Variants in ROBO1 observed in about 807,000 individuals in gnomAD.
ROBO1 encodes the protein roundabout homolog 1.
ROBO1 carries 149 observed loss-of-function variants against 195.9 expected under a neutral mutation model. The ratio of observed to expected loss-of-function variants is 0.76; its 90% confidence interval spans 0.67 to 0.87. The LOEUF (loss-of-function observed/expected upper bound fraction) is 0.87, where lower values mean the gene tolerates loss of function less well. Ranked by LOEUF, ROBO1 falls within the 40% of genes least tolerant of loss-of-function variation. The pLI is 0.00. For synonymous variants in ROBO1, 816 were observed against 733.2 expected (o/e 1.11, Z -1.82); for missense variants, 1,933 against 2,068.3 (o/e 0.93, Z 1.27).
intron 2 of ROBO1, among the ~76,000 whole-genome samples, chr3:79,404,803 T>A (rs1252015296): frequency 2.0e-5 from 3 of 152,076 alleles, no homozygotes; most frequent in Non-Finnish European, 4.4e-5. Flanking sequence ...TATAATTAAA[T>A]TATTGGAATT....
At chr3:78,802,313 G>T (rs541989341) in intron 4 of ROBO1, among the ~76,000 whole-genome samples, 1 of 152,132 alleles carries the variant, frequency 6.6e-6, no homozygotes, top group East Asian at 1.9e-4. Flanking sequence ...ATTGATCCTT[G>T]GGAAACTAGT....
At position 78,856,834 on chromosome 3, in the gene ROBO1, C is replaced by T. The variant is rs546738904; in HGVS notation, c.499+81767G>A. On this transcript the variant is annotated intron_variant, in intron 4 of 30. Coordinates refer to ENST00000464233, the MANE Select transcript of ROBO1 (RefSeq NM_002941.4). ...TCTGCATTTTATTAAAATACATTTG[C>T]GCATTCTAGATAGCCAAAATATCCT... Among the ~76,000 whole-genome samples the T allele has an allele frequency of 6.1e-5, 9 of 148,724 alleles. No homozygotes were observed. In the South Asian group the frequency reaches 1.3e-3, roughly 21 times the overall value.
chr3:78,689,606 T>C (rs1005513221), intron 8 of ROBO1, among the ~76,000 whole-genome samples: 3 of 152,154 alleles, frequency 2.0e-5, no homozygotes, highest in African/African-American at 7.2e-5. Context: ...TTTTACCTAC[T>C]GTTTACACTT....
At chr3:79,478,630 C>T (rs77152798) in intron 2 of ROBO1, among the ~76,000 whole-genome samples, 16 of 152,224 alleles carry the variant, frequency 1.1e-4, no homozygotes, top group African/African-American at 3.9e-4. Context: ...CCAGTTTCTG[C>T]CTTTTTATTT....
chr3:78,668,057 T>G lies in ROBO1; in HGVS notation c.1800-8A>C, dbSNP rs766848450. 1 of 1,613,312 alleles carries G rather than the reference T, an allele frequency of 6.2e-7. No individual in the cohort carries two copies. The highest frequency in any genetic ancestry group is 1.3e-5 in the African/African-American group (1 of 74,904). ...CTGCTACCAGATGCATGGCTAAGGA[T>G]AGACACACAGGTTAGAACATGCGTA... On this transcript the variant is annotated splice_polypyrimidine_tract_variant and splice_region_variant and intron_variant, in intron 13 of 30. Transcript: ENST00000464233.
intron 2 of ROBO1, among the ~76,000 whole-genome samples, chr3:79,282,960 A>T (rs2031624380): frequency 6.6e-6 from 1 of 152,242 alleles, no homozygotes; most frequent in African/African-American, 2.4e-5. Flanking sequence ...ATGTTTTTAT[A>T]TTATTTCTAA....
rs181394995 is a variant in ROBO1 at position 79,521,728 on chromosome 3, C to T, written c.88+68096G>A. On this transcript the variant is annotated intron_variant, in intron 2 of 30. Coordinates refer to ENST00000464233, the MANE Select transcript of ROBO1 (RefSeq NM_002941.4). ...TTGAAAATGAAGTGGCCATATTTGT[C>T]ACCACCCCCCACCCACACACACACT... 9.5e-4 allele frequency among the ~76,000 whole-genome samples: 144 copies of T among 152,206 alleles called. 1 individual carries two copies. In the Middle Eastern group the frequency reaches 0.031, roughly 32 times the overall value.
intron 3 of ROBO1, among the ~76,000 whole-genome samples, chr3:79,012,196 A>G (rs1232470565): frequency 6.6e-6 from 1 of 152,222 alleles, no homozygotes; most frequent in Non-Finnish European, 1.5e-5. Flanking sequence ...GATTTGAAAA[A>G]TAGATCCCCA....
intron 4 of ROBO1, among the ~76,000 whole-genome samples, chr3:78,856,835 G>A (rs955919617): frequency 1.2e-4 from 18 of 146,220 alleles, no homozygotes; most frequent in African/African-American, 2.0e-4. Context: ...ATACATTTGC[G>A]CATTCTAGAT....
chr3:78,769,617 G>GTTTTTTT (rs1559836189), intron 4 of ROBO1, among the ~76,000 whole-genome samples: 18 of 72,926 alleles, frequency 2.5e-4, no homozygotes, highest in East Asian at 1.0e-3. Context: ...AGTGTACTTT[G>GTTTTTTT]GTTTTTTTTT....
At chr3:79,090,674 T>G (rs1427355383) in intron 3 of ROBO1, among the ~76,000 whole-genome samples, 1 of 152,136 alleles carries the variant, frequency 6.6e-6, no homozygotes, top group Non-Finnish European at 1.5e-5. Flanking sequence ...TCTCTATACC[T>G]CTATTTTCTT....
intron 4 of ROBO1, among the ~76,000 whole-genome samples, chr3:78,755,664 A>C (rs1049589669): frequency 8.5e-5 from 13 of 152,216 alleles, no homozygotes; most frequent in African/African-American, 2.9e-4. Context: ...TGACAGAGAA[A>C]GACATTAATA....
intron 4 of ROBO1, among the ~76,000 whole-genome samples, chr3:78,873,225 T>C (rs542458187): frequency 6.6e-6 from 1 of 152,304 alleles, no homozygotes; most frequent in African/African-American, 2.4e-5. Context: ...CCTACTTTTC[T>C]TTCCTCCTTT....
chr3:79,156,298 G>A (rs2080857047), intron 2 of ROBO1, among the ~76,000 whole-genome samples: 1 of 150,594 alleles, frequency 6.6e-6, no homozygotes, highest in Non-Finnish European at 1.5e-5. Context: ...ATATTTATTG[G>A]CTATAAATTA....
rs538015979 is a variant in ROBO1, at chr3:79,455,455, G to A, written c.88+134369C>T. On this transcript the variant is annotated intron_variant, in intron 2 of 30. Transcript: ENST00000464233. ...GTAATTTTAAGAAGAGATGCTAAAG[G>A]TAATTTTGGATTCACTTTAAAAGTT... 2.1e-4 allele frequency among the ~76,000 whole-genome samples: 32 copies of A among 152,126 alleles called. 1 individual carries two copies. Among genetic ancestry groups the A allele is most frequent in the African/African-American group, 7.0e-4 (29 of 41,522 alleles).
intron 4 of ROBO1, among the ~76,000 whole-genome samples, chr3:78,869,618 G>T (rs1194800727): frequency 6.6e-6 from 1 of 151,702 alleles, no homozygotes; most frequent in Admixed American, 6.6e-5. Context: ...TCCACACCAG[G>T]TAAATTTTTT....
intron 2 of ROBO1, among the ~76,000 whole-genome samples, chr3:79,178,766 G>A (rs2081295943): frequency 6.6e-6 from 1 of 152,164 alleles, no homozygotes; most frequent in South Asian, 2.1e-4. Context: ...CACAGATGCT[G>A]GGGGATTAAT....
rs142336641 is a variant in ROBO1 at position 79,098,665 on chromosome 3, A to T, written c.172+26791T>A. ...ATATTTTATGTAGTCTTAAAAATAGATTATACAGTGTTTCACATAGTTGTT... is the reference window on the plus strand; with the variant it reads ...ATATTTTATGTAGTCTTAAAAATAGTTTATACAGTGTTTCACATAGTTGTT... On this transcript the variant is annotated intron_variant, in intron 3 of 30. Transcript: ENST00000464233. Among the ~76,000 whole-genome samples the T allele has an allele frequency of 2.0e-3, 297 of 152,002 alleles. 3 individuals are homozygous for T. Among genetic ancestry groups the T allele is most frequent in the African/African-American group, 6.4e-3 (267 of 41,540 alleles).
At chr3:78,821,512 C>G (rs961535606) in intron 4 of ROBO1, among the ~76,000 whole-genome samples, 1 of 152,020 alleles carries the variant, frequency 6.6e-6, no homozygotes, top group Admixed American at 6.6e-5. Context: ...GTCACTTTTA[C>G]CTGTTCAGAT....
Sources: allele counts gnomAD v4.1 joint callset (sites outside exome capture counted in the v4.1 genomes callset), GRCh38; gene constraint gnomAD v4.1.1; transcripts MANE v1.5; gene names NCBI Gene and HGNC (gene_info 2026-07-23, HGNC 2026-07-21).